Variants in PITPNM3 observed in about 807,000 individuals in gnomAD.
PITPNM3 encodes the protein PITPNM family member 3.
PITPNM3 carries 26 observed loss-of-function variants against 102.0 expected under a neutral mutation model. That is an observed-to-expected ratio of 0.25 (90% CI 0.19 to 0.35). PITPNM3 has a LOEUF of 0.35. Among genes scored for constraint, PITPNM3 ranks in the 10% least tolerant of loss-of-function variants. The pLI, the probability that PITPNM3 is intolerant of heterozygous loss-of-function variation, is 1.00. For synonymous variants in PITPNM3, 578 were observed against 558.6 expected (o/e 1.03, Z -0.49); for missense variants, 1,083 against 1,346.1 (o/e 0.80, Z 3.06).
chr17:6,490,939 G>A (rs1353221811), intron 4 of PITPNM3, among the ~76,000 whole-genome samples: 1 of 136,218 alleles, frequency 7.3e-6, no homozygotes, highest in Non-Finnish European at 1.6e-5. Context: ...TCCAGCCTAG[G>A]AGACAGAGCA....
chr17:6,495,750 C>T (rs1223664979), intron 4 of PITPNM3, among the ~76,000 whole-genome samples: 4 of 152,214 alleles, frequency 2.6e-5, no homozygotes, highest in African/African-American at 9.7e-5. Flanking sequence ...GAAAGAGAAG[C>T]TCCTGGACAC....
chr17:6,550,779 C>A (rs996819494), intron 1 of PITPNM3, among the ~76,000 whole-genome samples: 1 of 152,234 alleles, frequency 6.6e-6, no homozygotes, highest in Admixed American at 6.5e-5. Flanking sequence ...TCCTGCCACA[C>A]TGGACTTCCA....
Position 6,482,036 on chromosome 17 carries a change from G to GTCTCTC in PITPNM3, c.587+1480_587+1481insGAGAGA, listed in dbSNP as rs1567670360. Among the ~76,000 whole-genome samples, 74 of 25,846 alleles carry GTCTCTC rather than the reference G, an allele frequency of 2.9e-3. 3 individuals carry two copies. The highest frequency in any genetic ancestry group is 4.3e-3 in the Non-Finnish European group (55 of 12,768). 17.0% of individuals were successfully genotyped at this position (25,846 alleles called of 152,430 possible). A position where few individuals can be genotyped will look rare whatever the true frequency, so the allele number is the denominator to read the frequency against. On this transcript the variant is annotated intron_variant, in intron 6 of 19. Coordinates refer to ENST00000262483, the MANE Select transcript of PITPNM3 (RefSeq NM_031220.4). ...TCTCTCTCTCTCTCTCTCTCTCTCT[G>GTCTCTC]TCTGTCTCTCTCTCTCTCTCTCTCT...
In PITPNM3 at chr17:6,470,693, T is replaced by C. The variant is rs1290503691; in HGVS notation, c.1625-285A>G. On this transcript the variant is annotated intron_variant, in intron 12 of 19. Coordinates refer to ENST00000262483, the MANE Select transcript of PITPNM3 (RefSeq NM_031220.4). The surrounding 1 kb of genome is among the most constrained non-coding windows in gnomAD (Gnocchi z 4.8). Reference sequence around the variant, plus strand: ...AGTCTCACCCAGGGCCGCCGCTCAGTGGCAGTTCCCAGTGGGCTCTGCCTG... The same window carrying C: ...AGTCTCACCCAGGGCCGCCGCTCAGCGGCAGTTCCCAGTGGGCTCTGCCTG... Among the ~76,000 whole-genome samples the C allele has an allele frequency of 1.3e-5, 2 of 152,104 alleles. No individual in the cohort carries two copies. Among genetic ancestry groups the C allele is most frequent in the African/African-American group, 4.8e-5 (2 of 41,418 alleles).
At chr17:6,552,505 G>C (rs553697115) in intron 1 of PITPNM3, among the ~76,000 whole-genome samples, 7 of 152,350 alleles carry the variant, frequency 4.6e-5, no homozygotes, top group African/African-American at 1.7e-4. Context: ...GTCCCAGCCA[G>C]AGGGATCTGT....
At chr17:6,473,125 T>TC in intron 10 of PITPNM3, 4 of 454,950 alleles carry the variant, frequency 8.8e-6, no homozygotes, top group South Asian at 6.3e-5. Context: ...GGGCCCTCCC[T>TC]CCCCCATTTC....
chr17:6,549,851 T>G (rs1910214276), intron 1 of PITPNM3, among the ~76,000 whole-genome samples: 2 of 152,304 alleles, frequency 1.3e-5, no homozygotes, highest in South Asian at 4.1e-4. Flanking sequence ...TCCGGGCTCC[T>G]GGCTGCAGAC....
chr17:6,541,559 A>C (rs946234501), intron 1 of PITPNM3, among the ~76,000 whole-genome samples: 3 of 152,050 alleles, frequency 2.0e-5, no homozygotes, highest in Non-Finnish European at 4.4e-5. Context: ...GGTGAGTTTT[A>C]AGGCTCCTCC....
intron 2 of PITPNM3, among the ~76,000 whole-genome samples, chr17:6,534,641 C>G (rs188272786): frequency 6.6e-6 from 1 of 152,328 alleles, no homozygotes; most frequent in African/African-American, 2.4e-5. Context: ...GTGCTGTGGC[C>G]TCAGTTTCCC....
chr17:6,476,905 G>T, intron 9 of PITPNM3, 124 bp downstream of exon 9: 2 of 1,253,186 alleles, frequency 1.6e-6, no homozygotes, highest in Non-Finnish European at 1.1e-6. Context: ...GAGTGGCCTT[G>T]GTCCCAGCAT....
rs1046477732 is a variant in PITPNM3, at chr17:6,468,867, C to A, written c.1774-526G>T. ...TGACCGCCACATCCCTGCTGTCCCT[C>A]ACAGCAGCACTGACAGAGGACTTAG... is the stretch of plus-strand genomic sequence containing the variant. On this transcript the variant is annotated intron_variant, in intron 13 of 19. Transcript: ENST00000262483. The surrounding 1 kb of genome is among the most constrained non-coding windows in gnomAD (Gnocchi z 5.2). 6.6e-6 allele frequency among the ~76,000 whole-genome samples: 1 copy of A among 152,184 alleles called. No individual in the cohort carries two copies. The highest frequency in any genetic ancestry group is 6.5e-5 in the Admixed American group (1 of 15,284).
At chr17:6,515,037 G>A (rs1908076704) in intron 3 of PITPNM3, among the ~76,000 whole-genome samples, 1 of 152,178 alleles carries the variant, frequency 6.6e-6, no homozygotes. Context: ...TGAAATACCA[G>A]GGGCTGGGAG....
chr17:6,462,407 C>G (rs1904509849), intron 17 of PITPNM3, among the ~76,000 whole-genome samples: 1 of 152,194 alleles, frequency 6.6e-6, no homozygotes, highest in African/African-American at 2.4e-5. Flanking sequence ...CTCCAGCCCA[C>G]CCAGAGCTGC....
chr17:6,460,919 T>G, intron 18 of PITPNM3: 3 of 250,312 alleles, frequency 1.2e-5, no homozygotes, highest in South Asian at 5.1e-5. Context: ...AGTTTCCGAG[T>G]TTCCTGGTGC....
rs774607809 is a variant in PITPNM3, at chr17:6,470,563, G to A, written c.1625-155C>T. 2.0e-5 allele frequency among the ~76,000 whole-genome samples: 3 copies of A among 152,122 alleles called. No individual in the cohort carries two copies. The highest frequency in any genetic ancestry group is 7.2e-5 in the African/African-American group (3 of 41,428). ...CTGGCCTGGAGGAGGCCTGGGGAAC[G>A]CGCTGCTCTTCCTCCTTCCTTCTCA... On this transcript the variant is annotated intron_variant, in intron 12 of 19. Coordinates refer to ENST00000262483, the MANE Select transcript of PITPNM3 (RefSeq NM_031220.4). The surrounding 1 kb of genome is among the most constrained non-coding windows in gnomAD (Gnocchi z 4.8).
chr17:6,476,401 C>G (rs1362621828), intron 9 of PITPNM3, among the ~76,000 whole-genome samples: 1 of 152,184 alleles, frequency 6.6e-6, no homozygotes, highest in East Asian at 1.9e-4. Context: ...AACGTGTAAG[C>G]TGAATTAATG....
At chr17:6,473,379 T>C (rs1455413007) in intron 10 of PITPNM3, among the ~76,000 whole-genome samples, 41 of 152,064 alleles carry the variant, frequency 2.7e-4, no homozygotes, top group Non-Finnish European at 4.4e-5. Context: ...CCTGTCCTCC[T>C]AGAACAGGGA....
Position 6,525,358 on chromosome 17 carries a change from T to C in PITPNM3, c.224A>G (p.Gln75Arg). 6.2e-7 allele frequency: 1 copy of C among 1,614,056 alleles called. No individual in the cohort carries two copies. The highest frequency in any genetic ancestry group is 8.5e-7 in the Non-Finnish European group (1 of 1,179,880). Reference sequence around the variant, plus strand: ...TCATGAGAGAAGCAGAGTCTCACCTTGATGCTCGTCCAGTTTCCCCATGGT... The same window carrying C: ...TCATGAGAGAAGCAGAGTCTCACCTCGATGCTCGTCCAGTTTCCCCATGGT... ...IETMGKLDEH[Q>R]GEGTAPCTSS... is the part of the protein sequence containing the mutation. The change falls in exon 3 of 20, where the codon CAA (glutamine) becomes CGA (arginine). Residue 75 changes from glutamine to arginine, a missense_variant and splice_region_variant. Physicochemically the swap from Gln to Arg is conservative, Grantham distance 43. Coordinates refer to ENST00000262483, the MANE Select transcript of PITPNM3 (RefSeq NM_031220.4).
intron 14 of PITPNM3, 21 bp from the exon 15 acceptor site, chr17:6,464,792 TGGCTCAGCCCTTGCAAGGGA>T (rs1286484173): frequency 6.2e-7 from 1 of 1,612,960 alleles, no homozygotes; most frequent in East Asian, 2.2e-5. Flanking sequence ...AGAAAGAAGC[TGGCTCAGCCCTTGCAAGGGA>T]GGCTCAACCT....
Sources: allele counts gnomAD v4.1 joint callset (sites outside exome capture counted in the v4.1 genomes callset), GRCh38; gene constraint gnomAD v4.1.1; non-coding constraint Gnocchi (gnomAD v3.1); transcripts MANE v1.5; gene names NCBI Gene and HGNC (gene_info 2026-07-23, HGNC 2026-07-21).